Variants in MACROD2 observed in about 807,000 individuals in gnomAD.
The protein encoded by MACROD2 is ADP-ribose glycohydrolase MACROD2.
MACROD2 carries 36 observed loss-of-function variants against 70.4 expected under a neutral mutation model. That is an observed-to-expected ratio of 0.51 (90% CI 0.39 to 0.68). The LOEUF is 0.68. MACROD2 is among the 30% of genes least tolerant of loss of function. The pLI is 0.00. For synonymous variants in MACROD2, 172 were observed against 178.8 expected (o/e 0.96, Z 0.30); for missense variants, 496 against 538.4 (o/e 0.92, Z 0.78).
chr20:15,929,430 T>TATA (rs1568647576), intron 10 of MACROD2, among the ~76,000 whole-genome samples: 7 of 149,984 alleles, frequency 4.7e-5, no homozygotes, highest in East Asian at 3.9e-4. Flanking sequence ...GACACTGATT[T>TATA]TATATATATA....
At chr20:14,954,530 T>A (rs895262128) in intron 5 of MACROD2, among the ~76,000 whole-genome samples, 1 of 139,418 alleles carries the variant, frequency 7.2e-6, no homozygotes, top group Non-Finnish European at 1.5e-5. Flanking sequence ...TATTATATAA[T>A]TATATATAAT....
intron 6 of MACROD2, among the ~76,000 whole-genome samples, chr20:15,316,481 A>G (rs2077812329): frequency 6.6e-6 from 1 of 152,126 alleles, no homozygotes; most frequent in Non-Finnish European, 1.5e-5. Context: ...AAAAGAGTCT[A>G]TTCTTTAAGA....
At chr20:14,453,031 GA>G (rs1477986071) in intron 3 of MACROD2, among the ~76,000 whole-genome samples, 2 of 152,104 alleles carry the variant, frequency 1.3e-5, no homozygotes, top group Non-Finnish European at 2.9e-5. Flanking sequence ...CAAGAAGTGA[GA>G]AATATGATAC....
At chr20:14,655,319 C>CTGTGTGTGTGTGTGTGTG (rs11470954) in intron 4 of MACROD2, among the ~76,000 whole-genome samples, 17 of 141,702 alleles carry the variant, frequency 1.2e-4, no homozygotes, top group African/African-American at 4.0e-4. Flanking sequence ...AAAGTGGACA[C>CTGTGTGTGTGTGTGTGTG]TGTGTGTGTG....
chr20:16,046,282 A>T lies in MACROD2; in HGVS notation c.1300+1643A>T, dbSNP rs1443330404. Among the ~76,000 whole-genome samples, 3 of 152,196 alleles carry T rather than the reference A, an allele frequency of 2.0e-5. No individual in the cohort carries two copies. The South Asian group carries it at 6.2e-4, about 31-fold the overall frequency. ...ATCTGTGTAATGCATGTATAGCATA[A>T]GACTGCTAAAAAGTATAAGCTCATA... On this transcript the variant is annotated intron_variant, in intron 17 of 17. Coordinates refer to ENST00000684519, the MANE Select transcript of MACROD2 (RefSeq NM_001351661.2).
intron 15 of MACROD2, among the ~76,000 whole-genome samples, chr20:16,029,053 G>A (rs1210435458): frequency 6.6e-6 from 1 of 152,180 alleles, no homozygotes; most frequent in Non-Finnish European, 1.5e-5. Flanking sequence ...GTGAAAATTT[G>A]CTTCCTGTTT....
intron 5 of MACROD2, among the ~76,000 whole-genome samples, chr20:15,176,673 A>G (rs2076464662): frequency 6.6e-6 from 1 of 152,084 alleles, no homozygotes; most frequent in Non-Finnish European, 1.5e-5. Context: ...CCAATTGTCC[A>G]TCTATCTCAT....
At chr20:15,381,823 A>G (rs2045648508) in intron 6 of MACROD2, among the ~76,000 whole-genome samples, 1 of 152,180 alleles carries the variant, frequency 6.6e-6, no homozygotes, top group South Asian at 2.1e-4. Context: ...CACATGAGAC[A>G]GATTAGGCAC....
At chr20:16,047,327 A>G (rs2067396568) in intron 17 of MACROD2, among the ~76,000 whole-genome samples, 1 of 152,190 alleles carries the variant, frequency 6.6e-6, no homozygotes, top group African/African-American at 2.4e-5. Context: ...GCGTTGTATA[A>G]TTTGTAATTG....
At chr20:14,688,409 C>G (rs2071026733) in intron 5 of MACROD2, among the ~76,000 whole-genome samples, 1 of 152,142 alleles carries the variant, frequency 6.6e-6, no homozygotes, top group Admixed American at 6.5e-5. Context: ...TGTTCTGTGA[C>G]TCATCATAAT....
intron 5 of MACROD2, among the ~76,000 whole-genome samples, chr20:15,021,000 GCATA>G (rs2075163885): frequency 6.8e-6 from 1 of 146,906 alleles, no homozygotes; most frequent in African/African-American, 2.5e-5. Flanking sequence ...ATATGTATAT[GCATA>G]CACATGTGTA....
intron 3 of MACROD2, among the ~76,000 whole-genome samples, chr20:14,194,998 AGTG>A (rs2081417933): frequency 6.6e-6 from 1 of 152,178 alleles, no homozygotes; most frequent in African/African-American, 2.4e-5. Flanking sequence ...TCTGCAATGA[AGTG>A]GTAATATAAG....
chr20:14,109,285 T>C (rs2054415148), intron 3 of MACROD2, among the ~76,000 whole-genome samples: 1 of 151,784 alleles, frequency 6.6e-6, no homozygotes. Context: ...TAGCTAAAAG[T>C]TCCTACATTA....
intron 5 of MACROD2, among the ~76,000 whole-genome samples, chr20:14,856,574 G>T (rs1195889471): frequency 6.6e-6 from 1 of 152,146 alleles, no homozygotes; most frequent in African/African-American, 2.4e-5. Flanking sequence ...TGGCAATTTG[G>T]ATTGACAAGC....
chr20:14,738,201 A>G (rs1449736729), intron 5 of MACROD2, among the ~76,000 whole-genome samples: 1 of 152,132 alleles, frequency 6.6e-6, no homozygotes, highest in Non-Finnish European at 1.5e-5. Context: ...GTTTAGGCAA[A>G]CATTTATAAA....
At chr20:14,337,377 A>AT (rs73619829) in intron 3 of MACROD2, 59,351 of 344,790 alleles carry the variant, frequency 0.17, 6,347 homozygotes, top group South Asian at 0.26. Context: ...TGGGACAATC[A>AT]TAAGAAAAAA....
chr20:15,050,899 G>A (rs117671898), intron 5 of MACROD2, among the ~76,000 whole-genome samples: 5,043 of 152,070 alleles, frequency 0.033, 134 homozygotes, highest in Non-Finnish European at 0.05. Flanking sequence ...CTCAAAGGGT[G>A]TTCAAAATTG....
chr20:14,247,546 T>C (rs1313837313), intron 3 of MACROD2, among the ~76,000 whole-genome samples: 1 of 152,232 alleles, frequency 6.6e-6, no homozygotes, highest in Admixed American at 6.5e-5. Flanking sequence ...AAATATATTG[T>C]TTTACAGGTT....
chr20:14,418,541 A>G (rs924019849), intron 3 of MACROD2, among the ~76,000 whole-genome samples: 1 of 152,232 alleles, frequency 6.6e-6, no homozygotes, highest in African/African-American at 2.4e-5. Context: ...CTCCCCAACT[A>G]CTATGTTAAT....
Sources: allele counts gnomAD v4.1 joint callset (sites outside exome capture counted in the v4.1 genomes callset), GRCh38; gene constraint gnomAD v4.1.1; transcripts MANE v1.5; gene names NCBI Gene and HGNC (gene_info 2026-07-23, HGNC 2026-07-21).